OSBP: variants seen among roughly 807,000 people sequenced by gnomAD.
The protein encoded by OSBP is oxysterol binding protein.
In OSBP, 32 loss-of-function variants were observed where a neutral mutation model predicts 96.6. The ratio of observed to expected loss-of-function variants is 0.33; its 90% CI spans 0.25 to 0.45. OSBP has a LOEUF of 0.45. OSBP is among the 20% of genes least tolerant of loss of function. The pLI is 1.00. For synonymous variants in OSBP, 369 were observed against 389.6 expected, an observed-to-expected ratio of 0.95 and a Z score of 0.62; for missense variants, 653 against 1,029.7, an observed-to-expected ratio of 0.63 and a Z score of 5.01.
At chr11:59,596,235 CT>C (rs954770201) in intron 7 of OSBP, among the ~76,000 whole-genome samples, 8 of 152,038 alleles carry the variant, frequency 5.3e-5, no homozygotes, top group African/African-American at 1.9e-4. Context: ...ATCCTCGATT[CT>C]TTTTAAAGAG....
In OSBP at chr11:59,575,523, CATAT is replaced by C. The variant is rs1003454722; in HGVS notation, c.*1050_*1053del. ...AACCAAAAAATTAGATTTTTCTCTA[CATAT>C]ATATAATATACAGATATTTAACACA... On this transcript the variant is annotated 3_prime_UTR_variant, in exon 14 of 14. Coordinates refer to ENST00000263847, the MANE Select transcript of OSBP (RefSeq NM_002556.3). The C allele has an allele frequency of 2.0e-5, 3 of 152,578 alleles. No individual in the cohort carries two copies. The highest frequency in any genetic ancestry group is 7.2e-5 in the African/African-American group (3 of 41,422). 9.5% of individuals were successfully genotyped at this position (152,578 alleles called of 1,614,324 possible).
chr11:59,579,589 G>A (rs1399639153), intron 11 of OSBP, among the ~76,000 whole-genome samples: 3 of 151,280 alleles, frequency 2.0e-5, no homozygotes, highest in African/African-American at 4.9e-5. Context: ...CGCCTCCACC[G>A]TGTTTCCCAT....
At chr11:59,608,347 TA>T in intron 3 of OSBP, 136 bp downstream of exon 3, 1 of 1,017,246 alleles carries the variant, frequency 9.8e-7, no homozygotes, top group Non-Finnish European at 1.5e-6. Context: ...GTAAACAATG[TA>T]ACTTAAAGCC....
At chr11:59,609,812 T>C (rs1334160633) in intron 2 of OSBP, among the ~76,000 whole-genome samples, 1 of 152,208 alleles carries the variant, frequency 6.6e-6, no homozygotes, top group Non-Finnish European at 1.5e-5. Flanking sequence ...AGATTTTTCA[T>C]AGAAAATATC....
chr11:59,594,839 A>G (rs939304330), intron 7 of OSBP, among the ~76,000 whole-genome samples: 5 of 152,122 alleles, frequency 3.3e-5, no homozygotes, highest in African/African-American at 1.2e-4. Context: ...ATGGGGGTTG[A>G]GAGGGGGCTG....
chr11:59,609,426 A>G (rs1467830962), intron 2 of OSBP, among the ~76,000 whole-genome samples: 2 of 152,116 alleles, frequency 1.3e-5, no homozygotes, highest in Non-Finnish European at 2.9e-5. Flanking sequence ...TGTAACTGCA[A>G]AGTGCTTTTC....
At chr11:59,579,495 G>A (rs115146387) in intron 11 of OSBP, among the ~76,000 whole-genome samples, 3,444 of 150,940 alleles carry the variant, frequency 0.023, 127 homozygotes, top group African/African-American at 0.08. Flanking sequence ...CACCATGCCC[G>A]GCTAATTTTG....
In OSBP at chr11:59,585,287, C is replaced by T. The variant is rs541316136; in HGVS notation, c.1679-3733G>A. ...GATGTGGGGACCGCCTCTGCCCTGCCGCCCCGGCTGGGATGAGAGGAGCGC... is the reference window on the plus strand; with the variant it reads ...GATGTGGGGACCGCCTCTGCCCTGCTGCCCCGGCTGGGATGAGAGGAGCGC... On this transcript the variant is annotated intron_variant, in intron 9 of 13. Transcript: ENST00000263847. Among the ~76,000 whole-genome samples, 12 of 151,680 alleles carry T rather than the reference C, an allele frequency of 7.9e-5. No homozygotes were observed. In the South Asian group the frequency reaches 2.1e-3, roughly 27 times the overall value.
chr11:59,610,647 C>T (rs1312709549), intron 1 of OSBP, 58 bp from the exon 2 acceptor site: 6 of 1,356,956 alleles, frequency 4.4e-6, no homozygotes, highest in Admixed American at 3.4e-5. Context: ...TCCTTTATCA[C>T]ATTCCATTTC....
chr11:59,615,029 C>T (rs1377375433), intron 1 of OSBP, among the ~76,000 whole-genome samples: 1 of 152,202 alleles, frequency 6.6e-6, no homozygotes, highest in Non-Finnish European at 1.5e-5. Context: ...GAAGCACAGA[C>T]GCTCTCCAAA....
At chr11:59,585,727 C>T (rs923094269) in intron 9 of OSBP, among the ~76,000 whole-genome samples, 29 of 152,256 alleles carry the variant, frequency 1.9e-4, no homozygotes, top group African/African-American at 6.5e-4. Context: ...GAATGGAAAG[C>T]GGGGAAAGGT....
chr11:59,604,861 A>AAAAG (rs376487787), intron 3 of OSBP, among the ~76,000 whole-genome samples: 3 of 150,760 alleles, frequency 2.0e-5, no homozygotes, highest in Admixed American at 6.6e-5. Context: ...TCTCTAAAAA[A>AAAAG]AAAAGAAAAA....
intron 3 of OSBP, among the ~76,000 whole-genome samples, chr11:59,607,067 G>A (rs1008716875): frequency 6.6e-6 from 1 of 152,006 alleles, no homozygotes; most frequent in Non-Finnish European, 1.5e-5. Context: ...GTTTATAAAG[G>A]GATGCTTTAC....
At chr11:59,584,413 T>G (rs1860468639) in intron 9 of OSBP, among the ~76,000 whole-genome samples, 1 of 152,190 alleles carries the variant, frequency 6.6e-6, no homozygotes, top group Non-Finnish European at 1.5e-5. Context: ...GAAATTGAAT[T>G]CAGCAGCATA....
intron 9 of OSBP, among the ~76,000 whole-genome samples, chr11:59,593,096 C>G (rs541556932): frequency 2.2e-4 from 33 of 152,214 alleles, no homozygotes; most frequent in African/African-American, 7.2e-4. Context: ...CTGTGCCCAG[C>G]CCCAAGTAAG....
At position 59,578,473 on chromosome 11, in the gene OSBP, T is replaced by C. The variant is rs1205684243; in HGVS notation, c.1879-143A>G. 7.6e-6 allele frequency: 6 copies of C among 790,310 alleles called. No homozygotes were observed. In the East Asian group the frequency reaches 1.6e-4, roughly 21 times the overall value. 49.0% of individuals were successfully genotyped at this position (790,310 alleles called of 1,614,324 possible). On this transcript the variant is annotated intron_variant, in intron 11 of 13. Transcript: ENST00000263847. ...GAGTCATCCAAATTATTATTAGAGA[T>C]GGGATCTTGCTCTGTTGCCCAGGCT...
At position 59,600,859 on chromosome 11, in the gene OSBP, T is replaced by A. The variant is rs369375135; in HGVS notation, c.1139A>T (p.Asn380Ile). 2.5e-6 allele frequency: 4 copies of A among 1,613,662 alleles called. No homozygotes were observed. The highest frequency in any genetic ancestry group is 2.5e-6 in the Non-Finnish European group (3 of 1,179,684). ...ENLGHKRTGS[N>I]ISGASSDISL... Reference sequence around the variant, plus strand: ...GATGTCACTGCTGGCTCCACTGATATTGCTGCCAGTACGTCTGTACAGATG... The same window carrying A: ...GATGTCACTGCTGGCTCCACTGATAATGCTGCCAGTACGTCTGTACAGATG... Residue 380 changes from asparagine to isoleucine, a missense_variant, in exon 6 of 14, where the codon AAT becomes ATT. Asn to Ile is a moderately radical substitution (Grantham distance 149). Coordinates refer to ENST00000263847, the MANE Select transcript of OSBP (RefSeq NM_002556.3).
At chr11:59,596,340 C>A (rs1364176668) in intron 7 of OSBP, among the ~76,000 whole-genome samples, 5 of 152,156 alleles carry the variant, frequency 3.3e-5, no homozygotes, top group African/African-American at 1.2e-4. Flanking sequence ...AAACTGGGGA[C>A]AGGCAGTGTA....
At chr11:59,596,556 A>G (rs1458940323) in intron 7 of OSBP, among the ~76,000 whole-genome samples, 2 of 151,504 alleles carry the variant, frequency 1.3e-5, no homozygotes, top group Non-Finnish European at 2.9e-5. Flanking sequence ...GGAAGCAGGG[A>G]GCTATACAGC....
Sources: allele counts gnomAD v4.1 joint callset (sites outside exome capture counted in the v4.1 genomes callset), GRCh38; gene constraint gnomAD v4.1.1; transcripts MANE v1.5; gene names NCBI Gene and HGNC (gene_info 2026-07-23, HGNC 2026-07-21).